Variants in GRIK2 observed in about 807,000 individuals in gnomAD.
GRIK2 encodes the protein glutamate ionotropic receptor kainate type subunit 2.
A neutral mutation model predicts 100.3 loss-of-function variants in GRIK2; 32 were observed. The ratio of observed to expected loss-of-function variants is 0.32; its 90% CI spans 0.24 to 0.43. GRIK2 has a LOEUF of 0.43. Ranked by LOEUF, GRIK2 falls within the 20% of genes least tolerant of loss-of-function variation. The pLI is 1.00. For synonymous variants in GRIK2, 417 were observed against 389.4 expected, an observed-to-expected ratio of 1.07 and a Z score of -0.83; for missense variants, 843 against 1,114.9, an observed-to-expected ratio of 0.76 and a Z score of 3.47.
chr6:101,522,137 C>T (rs1280821464), intron 2 of GRIK2, among the ~76,000 whole-genome samples: 1 of 152,058 alleles, frequency 6.6e-6, no homozygotes, highest in Non-Finnish European at 1.5e-5. Flanking sequence ...TTTCTAGAAA[C>T]TCGTTACTTA....
chr6:101,424,011 T>C (rs1207197032), intron 2 of GRIK2, among the ~76,000 whole-genome samples: 2 of 152,154 alleles, frequency 1.3e-5, no homozygotes, highest in Non-Finnish European at 2.9e-5. Context: ...AAGATTATAA[T>C]GATTACTCAT....
intron 11 of GRIK2, among the ~76,000 whole-genome samples, chr6:101,865,335 T>A (rs1273234721): frequency 1.3e-5 from 2 of 152,228 alleles, no homozygotes; most frequent in Non-Finnish European, 2.9e-5. Flanking sequence ...TTATGATTCA[T>A]AAATGAGCCT....
chr6:101,524,835 G>A (rs1271926993), intron 2 of GRIK2, among the ~76,000 whole-genome samples: 9 of 151,144 alleles, frequency 6.0e-5, no homozygotes, highest in Non-Finnish European at 1.0e-4. Context: ...GGGTTCAAAC[G>A]ATTCTCCAAC....
At chr6:102,001,189 T>TA (rs1295787240) in intron 14 of GRIK2, among the ~76,000 whole-genome samples, 2 of 151,628 alleles carry the variant, frequency 1.3e-5, no homozygotes, top group East Asian at 1.9e-4. Context: ...TTCTTTATTT[T>TA]TTTTTTTTTT....
intron 14 of GRIK2, among the ~76,000 whole-genome samples, chr6:101,947,109 G>A (rs1303994579): frequency 6.6e-6 from 1 of 152,146 alleles, no homozygotes; most frequent in Non-Finnish European, 1.5e-5. Flanking sequence ...AGAAAAGAGA[G>A]GTCAGGGGCT....
At chr6:102,011,553 T>C (rs1233672812) in intron 14 of GRIK2, among the ~76,000 whole-genome samples, 1 of 149,448 alleles carries the variant, frequency 6.7e-6, no homozygotes, top group Non-Finnish European at 1.5e-5. Flanking sequence ...CTATGAGTTA[T>C]TTCTTTTTTT....
intron 14 of GRIK2, among the ~76,000 whole-genome samples, chr6:101,990,562 A>G (rs1794297889): frequency 6.6e-6 from 1 of 151,624 alleles, no homozygotes; most frequent in African/African-American, 2.4e-5. Flanking sequence ...TTAGCATGAG[A>G]GAGACAGAAC....
rs778838935 is a variant in GRIK2 at position 101,676,735 on chromosome 6, G to T, written c.654G>T (p.Met218Ile). The part of the protein sequence containing the change: ...TKDAKPLLKE[M>I]KRGKEFHVIF... ...ATGCAAAACCCTTACTAAAAGAAAT[G>T]AAAAGAGGCAAGGAGTTTCATGTAA... is the stretch of plus-strand genomic sequence containing the variant. Residue 218 changes from methionine (M) to isoleucine (I), a missense_variant, in exon 5 of 17, where the codon ATG (methionine) becomes ATT (isoleucine). Transcript: ENST00000369134. The T allele has an allele frequency of 2.5e-6, 4 of 1,609,146 alleles. No individual in the cohort carries two copies. In the South Asian group the frequency reaches 4.4e-5, roughly 18 times the overall value.
chr6:102,022,544 ACTTAT>A (rs1056982555), intron 14 of GRIK2, among the ~76,000 whole-genome samples: 8 of 151,648 alleles, frequency 5.3e-5, no homozygotes, highest in African/African-American at 1.9e-4. Context: ...AAACAAACAA[ACTTAT>A]CTTAATGCAA....
At chr6:101,774,268 A>G (rs1300173355) in intron 7 of GRIK2, among the ~76,000 whole-genome samples, 2 of 152,184 alleles carry the variant, frequency 1.3e-5, no homozygotes, top group African/African-American at 4.8e-5. Context: ...CATATTGAAA[A>G]AGGTAAATAT....
intron 14 of GRIK2, among the ~76,000 whole-genome samples, chr6:102,020,422 A>T (rs1479704537): frequency 6.6e-6 from 1 of 151,844 alleles, no homozygotes; most frequent in Non-Finnish European, 1.5e-5. Context: ...AGTGAGGCTC[A>T]GTAGGTGAAA....
chr6:101,840,552 TGCTG>T (rs1178171443), intron 10 of GRIK2, among the ~76,000 whole-genome samples: 1 of 152,212 alleles, frequency 6.6e-6, no homozygotes, highest in Non-Finnish European at 1.5e-5. Context: ...TATTTTGTCT[TGCTG>T]GCATCACTGG....
At chr6:101,445,991 C>A (rs932015070) in intron 2 of GRIK2, among the ~76,000 whole-genome samples, 3 of 152,024 alleles carry the variant, frequency 2.0e-5, no homozygotes, top group Admixed American at 2.0e-4. Context: ...TTTACCACCT[C>A]TGTGTCTTAT....
chr6:101,630,495 G>A (rs991005699), intron 4 of GRIK2, among the ~76,000 whole-genome samples: 1 of 151,994 alleles, frequency 6.6e-6, no homozygotes, highest in Non-Finnish European at 1.5e-5. Flanking sequence ...ATGTTTGTTG[G>A]CTGCATGTAC....
intron 2 of GRIK2, among the ~76,000 whole-genome samples, chr6:101,421,758 T>A (rs1261507944): frequency 6.6e-6 from 1 of 152,194 alleles, no homozygotes; most frequent in Non-Finnish European, 1.5e-5. Flanking sequence ...TCCACCAAGT[T>A]TCCAAAGAAA....
At chr6:101,852,600 G>A (rs777574531) in intron 10 of GRIK2, among the ~76,000 whole-genome samples, 2 of 152,116 alleles carry the variant, frequency 1.3e-5, no homozygotes, top group East Asian at 1.9e-4. Flanking sequence ...CCATTTTGCC[G>A]AGTAAATCGC....
At chr6:101,678,809 A>T (rs1161742712) in intron 5 of GRIK2, among the ~76,000 whole-genome samples, 2 of 152,332 alleles carry the variant, frequency 1.3e-5, no homozygotes, top group East Asian at 3.9e-4. Context: ...AATGGCCTTA[A>T]TCAGTTTACT....
At chr6:101,817,854 C>A (rs1781728404) in intron 9 of GRIK2, among the ~76,000 whole-genome samples, 1 of 152,136 alleles carries the variant, frequency 6.6e-6, no homozygotes, top group African/African-American at 2.4e-5. Flanking sequence ...TTTAAATCTC[C>A]AAAGATAATT....
At chr6:101,596,993 T>C (rs1390856676) in intron 2 of GRIK2, among the ~76,000 whole-genome samples, 1 of 151,806 alleles carries the variant, frequency 6.6e-6, no homozygotes, top group African/African-American at 2.4e-5. Context: ...TCAACCTAGG[T>C]GCCCAATAAT....
Sources: allele counts gnomAD v4.1 joint callset (sites outside exome capture counted in the v4.1 genomes callset), GRCh38; gene constraint gnomAD v4.1.1; transcripts MANE v1.5; gene names NCBI Gene and HGNC (gene_info 2026-07-23, HGNC 2026-07-21).